The following ANKRD11 variants were observed in gnomAD, a reference collection of about 807,000 sequenced individuals.
The protein encoded by ANKRD11 is ankyrin repeat domain-containing protein 11.
A neutral mutation model predicts 195.7 loss-of-function variants in ANKRD11; 17 were observed. That is an observed-to-expected ratio of 0.09 (90% CI 0.06 to 0.13). ANKRD11 has a LOEUF of 0.13. ANKRD11 is among the 10% of genes least tolerant of loss of function. The pLI, the probability that ANKRD11 is intolerant of heterozygous loss-of-function variation, is 1.00. For synonymous variants in ANKRD11, 1,953 were observed against 1,528.1 expected (o/e 1.28, Z -6.49); for missense variants, 3,735 against 3,566.1 (o/e 1.05, Z -1.21).
intron 4 of ANKRD11, chr16:89,301,466 G>T: frequency 2.5e-6 from 1 of 398,176 alleles, no homozygotes; most frequent in Non-Finnish European, 4.4e-6. Flanking sequence ...AGACAGGGCA[G>T]GCAGAGCAGG....
chr16:89,370,698 G>A (rs893178480), intron 2 of ANKRD11: 4 of 152,424 alleles, frequency 2.6e-5, no homozygotes, highest in African/African-American at 9.7e-5. Flanking sequence ...TCCACGGCAG[G>A]ACCCGAGAGC....
At chr16:89,473,347 G>T (rs34033440) in intron 1 of ANKRD11, among the ~76,000 whole-genome samples, 4,083 of 152,276 alleles carry the variant, frequency 0.027, 79 homozygotes, top group Non-Finnish European at 0.044. Context: ...AATAGAGGTG[G>T]AGAAAGAGGC....
At chr16:89,487,841 G>A (rs932877204) in intron 1 of ANKRD11, among the ~76,000 whole-genome samples, 1 of 152,182 alleles carries the variant, frequency 6.6e-6, no homozygotes, top group African/African-American at 2.4e-5. Flanking sequence ...AACACAAACA[G>A]CATAGTTTCC....
chr16:89,489,058 G>A (rs1187109694), intron 1 of ANKRD11: 1 of 152,258 alleles, frequency 6.6e-6, no homozygotes, highest in African/African-American at 2.4e-5. Context: ...CACAACAGAA[G>A]CAGAAAATCT....
chr16:89,457,085 A>C (rs867267565), intron 1 of ANKRD11, among the ~76,000 whole-genome samples: 5 of 146,358 alleles, frequency 3.4e-5, no homozygotes, highest in East Asian at 2.0e-4. Flanking sequence ...TCAGCCTCCC[A>C]AGTAGCTGGG....
chr16:89,486,258 A>C (rs1363584265), intron 1 of ANKRD11, among the ~76,000 whole-genome samples: 1 of 152,078 alleles, frequency 6.6e-6, no homozygotes, highest in Non-Finnish European at 1.5e-5. Context: ...TACACAACAC[A>C]GGAAGACCCT....
chr16:89,478,859 G>A (rs1386366914), intron 1 of ANKRD11, among the ~76,000 whole-genome samples: 1 of 152,228 alleles, frequency 6.6e-6, no homozygotes, highest in Non-Finnish European at 1.5e-5. Flanking sequence ...TCAAGGATGA[G>A]GTAATCTGGA....
At chr16:89,341,140 T>G (rs2151995681) in intron 2 of ANKRD11, among the ~76,000 whole-genome samples, 1 of 152,294 alleles carries the variant, frequency 6.6e-6, no homozygotes, top group South Asian at 2.1e-4. Flanking sequence ...AATCAAGGTT[T>G]CCACTGCGAA....
chr16:89,313,529 G>A (rs1182365222), intron 3 of ANKRD11: 17 of 1,289,184 alleles, frequency 1.3e-5, no homozygotes, highest in African/African-American at 1.5e-5. Flanking sequence ...CTGCAGAGTT[G>A]TGGGCTCCAT....
At chr16:89,456,249 A>G (rs556460750) in intron 1 of ANKRD11, among the ~76,000 whole-genome samples, 215 of 149,774 alleles carry the variant, frequency 1.4e-3, no homozygotes, top group Middle Eastern at 3.5e-3. Context: ...CAAAAAAAAA[A>G]GGGGGGGTGG....
intron 2 of ANKRD11, among the ~76,000 whole-genome samples, chr16:89,407,408 G>C (rs1035889716): frequency 6.6e-6 from 1 of 152,094 alleles, no homozygotes; most frequent in Non-Finnish European, 1.5e-5. Flanking sequence ...GCAACACTGG[G>C]CTGCCTCCCC....
At chr16:89,357,102 G>A (rs1327793008) in intron 2 of ANKRD11, among the ~76,000 whole-genome samples, 3 of 152,232 alleles carry the variant, frequency 2.0e-5, no homozygotes, top group African/African-American at 7.2e-5. Flanking sequence ...ATGAGGATGA[G>A]TCTGTAGGAG....
At chr16:89,414,953 T>G (rs1004878518) in intron 2 of ANKRD11, among the ~76,000 whole-genome samples, 1 of 152,192 alleles carries the variant, frequency 6.6e-6, no homozygotes, top group Non-Finnish European at 1.5e-5. Flanking sequence ...ATTCTTATTC[T>G]TCTTTATTTG....
At chr16:89,427,549 C>T (rs2042766773) in intron 1 of ANKRD11, among the ~76,000 whole-genome samples, 1 of 152,170 alleles carries the variant, frequency 6.6e-6, no homozygotes, top group Non-Finnish European at 1.5e-5. Flanking sequence ...GTAATCACAG[C>T]ACTTTAGGAG....
intron 1 of ANKRD11, among the ~76,000 whole-genome samples, chr16:89,435,788 C>A (rs1482672653): frequency 1.4e-5 from 2 of 139,114 alleles, no homozygotes; most frequent in Non-Finnish European, 3.1e-5. Flanking sequence ...CCCACAGCCA[C>A]CAGCTCTTCA....
At position 89,282,571 on chromosome 16, in the gene ANKRD11, G is replaced by C. The variant is rs2034348771; in HGVS notation, c.3971C>G (p.Ser1324Cys). Reference protein sequence around the residue: ...EPGLTAFLEVSFTEPPGDDKP... With the variant: ...EPGLTAFLEVCFTEPPGDDKP... Reference sequence around the variant, plus strand: ...GTCGTCTCCAGGTGGCTCCGTGAAAGAGACCTCCAGGAAGGCAGTCAGCCC... The same window carrying C: ...GTCGTCTCCAGGTGGCTCCGTGAAACAGACCTCCAGGAAGGCAGTCAGCCC... The change falls in exon 9 of 13, where the codon TCT (serine) becomes TGT (cysteine). Residue 1324 changes from serine (S) to cysteine (C), a missense_variant. Transcript: ENST00000301030. The C allele has an allele frequency of 1.2e-6, 2 of 1,613,966 alleles. No homozygotes were observed. The highest frequency in any genetic ancestry group is 1.7e-6 in the Non-Finnish European group (2 of 1,180,008).
intron 1 of ANKRD11, among the ~76,000 whole-genome samples, chr16:89,451,983 G>A (rs183881962): frequency 2.6e-5 from 4 of 152,190 alleles, no homozygotes; most frequent in East Asian, 1.9e-4. Flanking sequence ...TTTGCGCCGG[G>A]TGCAGTGTCT....
intron 2 of ANKRD11, among the ~76,000 whole-genome samples, chr16:89,341,894 A>ACCT (rs1471663163): frequency 2.4e-5 from 1 of 41,186 alleles, no homozygotes; most frequent in African/African-American, 7.9e-5. Context: ...GGAGTGCTGC[A>ACCT]CCTCCACCCA....
At chr16:89,290,904 C>T (rs768689399) in intron 5 of ANKRD11, 76 bp from the exon 6 acceptor site, 1 of 1,609,050 alleles carries the variant, frequency 6.2e-7, no homozygotes, top group Non-Finnish European at 8.5e-7. Flanking sequence ...GAGCCCAGGC[C>T]ACCATCACGA....
Sources: gnomAD v4.1 joint callset for allele counts (sites outside exome capture counted in the v4.1 genomes callset) on GRCh38, gnomAD v4.1.1 for gene constraint, MANE v1.5 for transcripts, NCBI Gene and HGNC (gene_info 2026-07-23, HGNC 2026-07-21) for gene names.